The following FAM151A variants were observed in gnomAD, a reference collection of about 807,000 sequenced individuals.
FAM151A encodes family with sequence similarity 151 member A, also known as protein FAM151A.
FAM151A carries 41 observed loss-of-function variants against 40.4 expected under a neutral mutation model. The observed-to-expected ratio is 1.01, with a 90% confidence interval of 0.79 to 1.32. The LOEUF (loss-of-function observed/expected upper bound fraction) is 1.32. Among genes scored for constraint, FAM151A ranks in the 40% most tolerant of loss-of-function variants. The pLI is 0.00. For missense variants in FAM151A, 740 were observed against 740.4 expected, an observed-to-expected ratio of 1.00 and a Z score of 0.01; for synonymous variants, 337 against 312.5, an observed-to-expected ratio of 1.08 and a Z score of -0.83.
intron 2 of FAM151A, among the ~76,000 whole-genome samples, chr1:54,616,598 C>T (rs1021205864): frequency 6.6e-6 from 1 of 152,132 alleles, no homozygotes. Flanking sequence ...TCTCAGAACT[C>T]CTGACCTCAA....
intron 6 of FAM151A, 141 bp from the exon 7 acceptor site, chr1:54,610,696 T>C: frequency 2.8e-6 from 4 of 1,419,860 alleles, no homozygotes; most frequent in Non-Finnish European, 2.8e-6. Context: ...CTCATTTCCT[T>C]GCCTTGTAGA....
chr1:54,622,751 GT>G (rs1489555744), intron 1 of FAM151A, among the ~76,000 whole-genome samples: 1 of 151,810 alleles, frequency 6.6e-6, no homozygotes, highest in Non-Finnish European at 1.5e-5. Context: ...AAAAAAAATA[GT>G]TAACGGGACT....
rs187518554 is a variant in FAM151A at position 54,610,180 on chromosome 1, C to T, written c.1084+232G>A. ...CATGACTCAGCCTGGGGGCTGGTGCCGGCCTTGCCTGCAGCAATGTAGCTG... is the reference window on the plus strand; with the variant it reads ...CATGACTCAGCCTGGGGGCTGGTGCTGGCCTTGCCTGCAGCAATGTAGCTG... On this transcript the variant is annotated intron_variant, in intron 7 of 7. Transcript: ENST00000302250. 2.4e-3 allele frequency: 3,507 copies of T among 1,432,616 alleles called. 123 individuals carry two copies. In the South Asian group the frequency reaches 0.05, roughly 20 times the overall value. 88.7% of individuals were successfully genotyped at this position (1,432,616 alleles called of 1,614,324 possible). A position where few individuals can be genotyped will look rare whatever the true frequency, so the allele number is the denominator to read the frequency against.
At chr1:54,613,997 TTCTCA>T (rs1440922860) in intron 4 of FAM151A, among the ~76,000 whole-genome samples, 1 of 152,234 alleles carries the variant, frequency 6.6e-6, no homozygotes, top group African/African-American at 2.4e-5. Flanking sequence ...ACCTACCTCA[TTCTCA>T]TAAGAGTTAA....
intron 1 of FAM151A, 83 bp downstream of exon 1, chr1:54,623,195 G>A: frequency 1.1e-6 from 1 of 896,680 alleles, no homozygotes; most frequent in Non-Finnish European, 1.8e-6. Context: ...AAAAGGGACT[G>A]GTCAGAGCTG....
intron 6 of FAM151A, chr1:54,610,763 G>A: frequency 1.0e-6 from 1 of 983,876 alleles, no homozygotes; most frequent in Non-Finnish European, 1.2e-6. Context: ...TGCCAGGAGT[G>A]GAACCTGATG....
At chr1:54,617,522 C>G (rs1489052189) in intron 2 of FAM151A, among the ~76,000 whole-genome samples, 3 of 151,162 alleles carry the variant, frequency 2.0e-5, no homozygotes, top group African/African-American at 7.3e-5. Context: ...AACCCAAACT[C>G]TTTATCATAG....
At chr1:54,614,067 C>T (rs922090040) in intron 4 of FAM151A, among the ~76,000 whole-genome samples, 4 of 152,222 alleles carry the variant, frequency 2.6e-5, no homozygotes, top group Non-Finnish European at 5.9e-5. Flanking sequence ...TAATAAACTT[C>T]GAACAAATTG....
Position 54,612,695 on chromosome 1 carries a change from G to A in FAM151A, c.591C>T (p.Val197=), listed in dbSNP as rs1490624190. 6.2e-7 allele frequency: 1 copy of A among 1,613,646 alleles called. No homozygotes were observed. The highest frequency in any genetic ancestry group is 1.7e-5 in the Admixed American group (1 of 60,012). ...EVNATQFLAL[V]QEKYPKATLS... Reference sequence around the variant, plus strand: ...GGGTAGCCTTGGGATACTTCTCCTGGACCAGGGCCAGGAACCTGCAAAAAA... The same window carrying A: ...GGGTAGCCTTGGGATACTTCTCCTGAACCAGGGCCAGGAACCTGCAAAAAA... Residue 197 remains valine, a synonymous_variant, in exon 5 of 8, where the codon GTC becomes GTT. Transcript: ENST00000302250.
chr1:54,618,595 T>C (rs1569797056), intron 2 of FAM151A, among the ~76,000 whole-genome samples: 1 of 151,052 alleles, frequency 6.6e-6, no homozygotes, highest in Non-Finnish European at 1.5e-5. Context: ...TGCTTGGGGG[T>C]GGGAAGTGAA....
In FAM151A at chr1:54,610,473, A is replaced by G. The variant is rs1644105618; in HGVS notation, c.1023T>C (p.Asn341=). ...GGACGTCAGGAACCAGCCACTCCAC[A>G]TTCAGACCGTCATCCCCAGGCAGCT... ...LLQLPGDDGL[N]VEWLVPDVQG... is the part of the protein sequence containing the mutation. The change falls in exon 7 of 8, where the codon AAT becomes AAC. Residue 341 remains asparagine, a synonymous_variant. Transcript: ENST00000302250. The G allele has an allele frequency of 2.0e-6, 3 of 1,500,760 alleles. No homozygotes were observed. The highest frequency in any genetic ancestry group is 1.1e-5 in the South Asian group (1 of 89,622). 93.0% of individuals were successfully genotyped at this position (1,500,760 alleles called of 1,614,324 possible). A position where few individuals can be genotyped will look rare whatever the true frequency, so the allele number is the denominator to read the frequency against.
intron 2 of FAM151A, among the ~76,000 whole-genome samples, chr1:54,617,070 C>G (rs938067399): frequency 6.6e-6 from 1 of 152,186 alleles, no homozygotes; most frequent in Non-Finnish European, 1.5e-5. Flanking sequence ...GATTCTTGTT[C>G]CTGCACAAGG....
Position 54,623,455 on chromosome 1 carries a change from T to G in FAM151A, c.-60A>C. The G allele has an allele frequency of 7.7e-7, 1 of 1,306,924 alleles. No individual in the cohort carries two copies. The highest frequency in any genetic ancestry group is 1.1e-6 in the Non-Finnish European group (1 of 910,130). The allele number at this position is 1,306,924 out of a possible 1,614,324, so 81.0% of individuals were successfully genotyped here. A position where few individuals can be genotyped will look rare whatever the true frequency, so the allele number is the denominator to read the frequency against. On this transcript the variant is annotated 5_prime_UTR_variant, in exon 1 of 8. Transcript: ENST00000302250. ...GCGGCCCAGAGTCCCTGAGGCTCCC[T>G]GCAGCTGGAATCCTGTGGGAGGCAG...
intron 5 of FAM151A, 65 bp downstream of exon 5, chr1:54,612,421 T>G (rs2101015830): frequency 3.3e-6 from 4 of 1,206,718 alleles, no homozygotes; most frequent in Non-Finnish European, 4.9e-6. Context: ...AGCCATGAGC[T>G]TCTGGGATCT....
At chr1:54,614,899 G>A (rs763447929) in intron 3 of FAM151A, 40 bp from the exon 4 acceptor site, 3 of 1,600,326 alleles carry the variant, frequency 1.9e-6, no homozygotes, top group East Asian at 4.5e-5. Flanking sequence ...AATGGCGAAG[G>A]AACTAGGAAT....
At position 54,623,183 on chromosome 1, in the gene FAM151A, A is replaced by G. The variant is rs1462395629; in HGVS notation, c.118+95T>C. On this transcript the variant is annotated intron_variant, in intron 1 of 7. Transcript: ENST00000302250. ...CAAGAGCAAAACTCCGTCTAAAAAA[A>G]AAAAAGGGACTGGTCAGAGCTGTAA... 4 of 829,122 alleles carry G rather than the reference A, an allele frequency of 4.8e-6. No individual in the cohort carries two copies. In the South Asian group the frequency reaches 4.9e-5, roughly 10 times the overall value. The allele number at this position is 829,122 out of a possible 1,614,324, so 51.4% of individuals were successfully genotyped here.
Position 54,613,390 on chromosome 1 carries a change from ACT to A in FAM151A, c.576-682_576-681del, listed in dbSNP as rs1402438701. ...TGAGACTCCATCTCAAAAAAAAAAA[ACT>A]TTTTTTCCTGTCTTCCTGCTTTCCT... On this transcript the variant is annotated intron_variant, in intron 4 of 7. Transcript: ENST00000302250. Among the ~76,000 whole-genome samples the A allele has an allele frequency of 7.9e-5, 12 of 151,448 alleles. 1 individual carries two copies. Among genetic ancestry groups the A allele is most frequent in the South Asian group, 4.2e-4 (2 of 4,774 alleles).
In FAM151A at chr1:54,612,526, C is replaced by A. The variant is rs185807108; in HGVS notation, c.760G>T (p.Ala254Ser). The A allele has an allele frequency of 1.1e-4, 170 of 1,614,004 alleles. No homozygotes were observed. The East Asian group carries it at 3.8e-3, about 36-fold the overall frequency. The change falls in exon 5 of 8, where the codon GCC becomes TCC. Residue 254 changes from alanine to serine, a missense_variant. Transcript: ENST00000302250. ...AGCAGCCAGCTGAAGTGGGGCCAGG[C>A]AGCCCGCACCATGGAAGACCGTACA... ...FPVRSSMVRA[A>S]WPHFSWLLSQ...
intron 7 of FAM151A, chr1:54,610,167 T>G (rs1273091829): frequency 1.4e-6 from 2 of 1,433,110 alleles, no homozygotes; most frequent in Non-Finnish European, 1.8e-6. Context: ...TGACTCAGCC[T>G]GGGGGCTGGT....
Sources: gnomAD v4.1 joint callset for allele counts (sites outside exome capture counted in the v4.1 genomes callset) on GRCh38, gnomAD v4.1.1 for gene constraint, MANE v1.5 for transcripts, NCBI Gene and HGNC (gene_info 2026-07-23, HGNC 2026-07-21) for gene names.